The following TOM1L2 variants were observed in gnomAD, a reference collection of about 807,000 sequenced individuals.
TOM1L2 encodes the protein TOM1-like protein 2.
TOM1L2 carries 31 observed loss-of-function variants against 67.9 expected under a neutral mutation model. That is an observed-to-expected ratio of 0.46 (90% CI 0.34 to 0.62). TOM1L2 has a LOEUF of 0.62. TOM1L2 is among the 20% of genes least tolerant of loss of function. The pLI is 0.01. For missense variants in TOM1L2, 606 were observed against 663.5 expected, an observed-to-expected ratio of 0.91 and a Z score of 0.95; for synonymous variants, 256 against 254.0, an observed-to-expected ratio of 1.01 and a Z score of -0.07.
Position 17,955,325 on chromosome 17 carries a change from CTTTTTTT to C in TOM1L2, c.52+16930_52+16936del, listed in dbSNP as rs67575563. 6.3e-3 allele frequency among the ~76,000 whole-genome samples: 680 copies of C among 108,124 alleles called. 3 individuals are homozygous for C. Among genetic ancestry groups the C allele is most frequent in the Middle Eastern group, 0.025 (3 of 118 alleles). 70.9% of individuals were successfully genotyped at this position (108,124 alleles called of 152,430 possible). A position where few individuals can be genotyped will look rare whatever the true frequency, so the allele number is the denominator to read the frequency against. On this transcript the variant is annotated intron_variant, in intron 1 of 14. Transcript: ENST00000379504. ...GGCAGGACCCCAGACCACACAATTCCTTTTTTTTTTTTTTTTTTTTTTTTTGTTTTTG... is the reference window on the plus strand; with the variant it reads ...GGCAGGACCCCAGACCACACAATTCCTTTTTTTTTTTTTTTTTTGTTTTTG...
intron 2 of TOM1L2, among the ~76,000 whole-genome samples, chr17:17,904,312 A>G (rs2038991941): frequency 6.6e-6 from 1 of 152,234 alleles, no homozygotes; most frequent in African/African-American, 2.4e-5. Context: ...CCCCTTCAGA[A>G]TAAGGAAGCT....
intron 1 of TOM1L2, 115 bp downstream of exon 1, chr17:17,972,147 G>T: frequency 7.6e-7 from 1 of 1,309,264 alleles, no homozygotes; most frequent in Non-Finnish European, 1.0e-6. Flanking sequence ...CCCGCGGCTG[G>T]CGGAGGCCCA....
intron 4 of TOM1L2, among the ~76,000 whole-genome samples, chr17:17,887,282 A>G (rs1305794174): frequency 6.6e-6 from 1 of 152,266 alleles, no homozygotes; most frequent in Non-Finnish European, 1.5e-5. Flanking sequence ...GGCTGCTAAC[A>G]GAGCAGATAT....
intron 1 of TOM1L2, among the ~76,000 whole-genome samples, chr17:17,911,761 G>A (rs550957326): frequency 4.1e-4 from 61 of 149,164 alleles, no homozygotes; most frequent in African/African-American, 1.5e-3. Flanking sequence ...ATAAACAAGT[G>A]AACAAAGGTC....
intron 6 of TOM1L2, among the ~76,000 whole-genome samples, chr17:17,881,160 G>A (rs2037704617): frequency 6.6e-6 from 1 of 152,208 alleles, no homozygotes; most frequent in Non-Finnish European, 1.5e-5. Context: ...TCTGGGTCCT[G>A]AGAGGCTCTT....
At chr17:17,893,854 G>A (rs1282893583) in intron 3 of TOM1L2, 44 bp from the exon 4 acceptor site, 2 of 1,590,556 alleles carry the variant, frequency 1.3e-6, no homozygotes, top group East Asian at 2.2e-5. Flanking sequence ...AGTGGGAGCT[G>A]GAGAAGACAC....
At chr17:17,892,515 T>C (rs979619507) in intron 4 of TOM1L2, among the ~76,000 whole-genome samples, 35 of 152,132 alleles carry the variant, frequency 2.3e-4, no homozygotes, top group African/African-American at 8.0e-4. Flanking sequence ...TCAGAGCCCT[T>C]CGATGTCTTC....
intron 8 of TOM1L2, 56 bp downstream of exon 8, chr17:17,869,284 G>C (rs2037018656): frequency 6.3e-7 from 1 of 1,587,186 alleles, no homozygotes; most frequent in Non-Finnish European, 8.5e-7. Context: ...AAATCCCTCT[G>C]TTATGGCAAC....
intron 8 of TOM1L2, among the ~76,000 whole-genome samples, chr17:17,867,143 C>T (rs2036896136): frequency 6.6e-6 from 1 of 152,146 alleles, no homozygotes; most frequent in Non-Finnish European, 1.5e-5. Flanking sequence ...GAGTGGGCAT[C>T]AGAAAGGGGT....
intron 1 of TOM1L2, among the ~76,000 whole-genome samples, chr17:17,929,448 G>A (rs1473906525): frequency 5.3e-5 from 8 of 152,042 alleles, no homozygotes; most frequent in Admixed American, 3.3e-4. Context: ...CCTGACCAAC[G>A]TGGAGAAACC....
At chr17:17,865,018 A>G (rs960572630) in intron 10 of TOM1L2, among the ~76,000 whole-genome samples, 15 of 152,222 alleles carry the variant, frequency 9.9e-5, no homozygotes, top group South Asian at 2.1e-4. Flanking sequence ...AAGACAGAGG[A>G]AAGAATTTTG....
chr17:17,868,921 T>C (rs889094557), intron 8 of TOM1L2: 9 of 164,798 alleles, frequency 5.5e-5, no homozygotes, highest in African/African-American at 7.2e-5. Flanking sequence ...TTTTTTAAGA[T>C]GGGAAAGAGG....
intron 1 of TOM1L2, among the ~76,000 whole-genome samples, chr17:17,910,244 G>C (rs1273651194): frequency 1.3e-5 from 2 of 152,170 alleles, no homozygotes; most frequent in Admixed American, 6.5e-5. Context: ...CAGGAGCTCA[G>C]GATCGTCAGT....
rs149006338 is a variant in TOM1L2 at position 17,929,461 on chromosome 17, A to T, written c.53-21930T>A. On this transcript the variant is annotated intron_variant, in intron 1 of 14. Transcript: ENST00000379504. Reference sequence around the variant, plus strand: ...AGCCTGACCAACGTGGAGAAACCCCATCTCTACTAAAAATACAAAATTAGC... The same window carrying T: ...AGCCTGACCAACGTGGAGAAACCCCTTCTCTACTAAAAATACAAAATTAGC... Among the ~76,000 whole-genome samples the T allele has an allele frequency of 4.9e-3, 740 of 152,198 alleles. 4 individuals are homozygous for T. Among genetic ancestry groups the T allele is most frequent in the Admixed American group, 7.5e-3 (114 of 15,288 alleles).
In TOM1L2 at chr17:17,884,653, G is replaced by A; in HGVS notation, c.482C>T (p.Pro161Leu). 1 of 1,614,112 alleles carries A rather than the reference G, an allele frequency of 6.2e-7. No individual in the cohort carries two copies. The highest frequency in any genetic ancestry group is 8.5e-7 in the Non-Finnish European group (1 of 1,180,040). The change falls in exon 5 of 15, where the codon CCC (proline) becomes CTC (leucine). Residue 161 changes from proline to leucine, a missense_variant. Transcript: ENST00000379504. ...FPMADLDALS[P>L]IHTPQRSVPE... ...GCTTACCCGCTGTGGTGTGTGTATG[G>A]GAGACAGAGCGTCCAAGTCTGCCAT...
chr17:17,855,479 C>T (rs145020428), intron 12 of TOM1L2, among the ~76,000 whole-genome samples: 27 of 152,318 alleles, frequency 1.8e-4, no homozygotes, highest in Non-Finnish European at 2.5e-4. Flanking sequence ...CCAAGAGAGG[C>T]AAAAAGACCT....
intron 9 of TOM1L2, 51 bp from the exon 10 acceptor site, chr17:17,866,470 C>G (rs886957135): frequency 1.1e-5 from 17 of 1,524,334 alleles, no homozygotes; most frequent in Non-Finnish European, 1.4e-5. Context: ...GAGTCAGGCT[C>G]TGAGGTAGAA....
intron 1 of TOM1L2, among the ~76,000 whole-genome samples, chr17:17,923,521 A>C (rs188949486): frequency 6.6e-6 from 1 of 150,946 alleles, no homozygotes; most frequent in Admixed American, 6.6e-5. Flanking sequence ...CTGTCTCTAC[A>C]AAAAAAAATT....
intron 1 of TOM1L2, among the ~76,000 whole-genome samples, chr17:17,968,418 G>C (rs1382294471): frequency 6.6e-6 from 1 of 152,196 alleles, no homozygotes; most frequent in African/African-American, 2.4e-5. Flanking sequence ...TATAATCCTA[G>C]CACTTTGGGA....
Sources: gnomAD v4.1 joint callset for allele counts (sites outside exome capture counted in the v4.1 genomes callset) on GRCh38, gnomAD v4.1.1 for gene constraint, MANE v1.5 for transcripts, NCBI Gene and HGNC (gene_info 2026-07-23, HGNC 2026-07-21) for gene names.